DNAH10: variants seen among roughly 807,000 people sequenced by gnomAD.
DNAH10 encodes dynein axonemal heavy chain 10, also known as axonemal beta dynein heavy chain 10.
A neutral mutation model predicts 506.6 loss-of-function variants in DNAH10; 348 were observed. The ratio of observed to expected loss-of-function variants is 0.69; its 90% CI spans 0.63 to 0.75. DNAH10 has a LOEUF of 0.75. Among genes scored for constraint, DNAH10 ranks in the 30% least tolerant of loss-of-function variants. DNAH10 has a pLI of 0.00. For missense variants in DNAH10, 5,179 were observed against 5,787.1 expected, an observed-to-expected ratio of 0.89 and a Z score of 3.41; for synonymous variants, 2,059 against 2,198.6, an observed-to-expected ratio of 0.94 and a Z score of 1.78.
At chr12:123,918,265 G>C (rs985717764) in intron 64 of DNAH10, among the ~76,000 whole-genome samples, 2 of 152,218 alleles carry the variant, frequency 1.3e-5, no homozygotes, top group African/African-American at 4.8e-5. Flanking sequence ...AACCCAAAGG[G>C]GTAAGTGAGA....
Position 123,935,592 on chromosome 12 carries a change from T to C in DNAH10, c.*111T>C. The stretch of plus-strand genomic sequence containing the variant: ...CAAGAGGCAGGAGGGGGACTGACAC[T>C]GATTTTTCATTTGAAATCAGCCACT... On this transcript the variant is annotated 3_prime_UTR_variant, in exon 79 of 79. Coordinates refer to ENST00000673944, the MANE Select transcript of DNAH10 (RefSeq NM_001372106.1). 1 of 1,187,684 alleles carries C rather than the reference T, an allele frequency of 8.4e-7. No homozygotes were observed. The highest frequency in any genetic ancestry group is 2.4e-5 in the East Asian group (1 of 41,976). The allele number at this position is 1,187,684 out of a possible 1,614,324, so 73.6% of individuals were successfully genotyped here. A position where few individuals can be genotyped will look rare whatever the true frequency, so the allele number is the denominator to read the frequency against.
intron 57 of DNAH10, among the ~76,000 whole-genome samples, chr12:123,904,775 A>G (rs932371271): frequency 5.9e-5 from 9 of 152,172 alleles, no homozygotes; most frequent in Non-Finnish European, 1.3e-4. Flanking sequence ...GGTCTTCATG[A>G]GGATCATATG....
In DNAH10 at chr12:123,897,802, G is replaced by C. The variant is rs763497364; in HGVS notation, c.9313G>C (p.Glu3105Gln). The C allele has an allele frequency of 1.2e-6, 2 of 1,608,550 alleles. No homozygotes were observed. Among genetic ancestry groups the C allele is most frequent in the South Asian group, 1.1e-5 (1 of 89,216 alleles). The change falls in exon 55 of 79, where the codon GAA (glutamate) becomes CAA (glutamine). Residue 3105 changes from glutamate (E) to glutamine (Q), a missense_variant. Around this residue, in one of 3 missense-constraint regions of DNAH10, gnomAD observed 4,844 missense variants for 5,430.5 expected, o/e 0.89. Transcript: ENST00000673944. ...YNPMIPAENIENVVKHVVLVH... is the reference protein window; with the variant it reads ...YNPMIPAENIQNVVKHVVLVH... Reference sequence around the variant, plus strand: ...TCCAATGATCCCGGCAGAAAATATAGAAAATGTGGTGAAGCATGTTGTCTT... The same window carrying C: ...TCCAATGATCCCGGCAGAAAATATACAAAATGTGGTGAAGCATGTTGTCTT...
At chr12:123,837,941 C>T (rs986438794) in intron 28 of DNAH10, among the ~76,000 whole-genome samples, 4 of 151,968 alleles carry the variant, frequency 2.6e-5, no homozygotes, top group African/African-American at 9.7e-5. Context: ...AACAGTTTGA[C>T]CTATTTCAAT....
intron 72 of DNAH10, chr12:123,930,067 A>C (rs1397723081): frequency 1.9e-6 from 1 of 529,610 alleles, no homozygotes; most frequent in Non-Finnish European, 3.3e-6. Context: ...CACACGGCTC[A>C]GGCAGTGACA....
At chr12:123,865,801 T>G (rs1172307742) in intron 40 of DNAH10, 150 bp from the exon 41 acceptor site, 1 of 650,388 alleles carries the variant, frequency 1.5e-6, no homozygotes, top group Middle Eastern at 4.0e-4. Context: ...ATCCCAGGTG[T>G]TCAGTTAAAA....
intron 50 of DNAH10, among the ~76,000 whole-genome samples, chr12:123,880,720 A>G (rs1292092290): frequency 6.6e-6 from 1 of 151,444 alleles, no homozygotes; most frequent in East Asian, 1.9e-4. Flanking sequence ...TTACATACGT[A>G]TACATGTGCC....
At chr12:123,824,379 C>T (rs1291373430) in intron 24 of DNAH10, among the ~76,000 whole-genome samples, 1 of 152,096 alleles carries the variant, frequency 6.6e-6, no homozygotes, top group Non-Finnish European at 1.5e-5. Flanking sequence ...GTTGAGGAAG[C>T]AGCACTTGGA....
At chr12:123,841,047 C>T (rs1313601315) in intron 29 of DNAH10, among the ~76,000 whole-genome samples, 2 of 152,234 alleles carry the variant, frequency 1.3e-5, no homozygotes, top group African/African-American at 4.8e-5. Flanking sequence ...CAGATACCTC[C>T]CCACTCCAGC....
rs750341604 is a variant in DNAH10, at chr12:123,898,783, G to T, written c.9609G>T (p.Leu3203Phe). The T allele has an allele frequency of 4.3e-6, 7 of 1,611,978 alleles. No individual in the cohort carries two copies. Among genetic ancestry groups the T allele is most frequent in the Non-Finnish European group, 4.2e-6 (5 of 1,179,226 alleles). The change falls in exon 56 of 79, where the codon TTG becomes TTT. Residue 3203 changes from leucine (L) to phenylalanine (F), a missense_variant. Coordinates refer to ENST00000673944, the MANE Select transcript of DNAH10 (RefSeq NM_001372106.1). ...AGAAGTCCGCCGCCTGCGAGGCCTT[G>T]CTGGAGGAGATCGCCGTCAACACCG... ...LAEKSAACEALLEEIAVNTAV... is the reference protein window; with the variant it reads ...LAEKSAACEAFLEEIAVNTAV...
chr12:123,931,043 CAAAAA>C (rs1480348189), intron 73 of DNAH10, among the ~76,000 whole-genome samples: 1 of 151,788 alleles, frequency 6.6e-6, no homozygotes, highest in South Asian at 2.1e-4. Context: ...AAAATCAAAA[CAAAAA>C]AACAAAAAAC....
intron 65 of DNAH10, 99 bp from the exon 66 acceptor site, chr12:123,923,663 TG>T: frequency 1.4e-6 from 1 of 712,808 alleles, no homozygotes; most frequent in Non-Finnish European, 2.3e-6. Flanking sequence ...ACAGTTCGAG[TG>T]TTTCATTTAT....
At chr12:123,930,165 C>G (rs545133135) in intron 72 of DNAH10, 1 of 515,490 alleles carries the variant, frequency 1.9e-6, no homozygotes, top group African/African-American at 2.0e-5. Context: ...CAGGAGCTCC[C>G]AACACTTCCT....
intron 39 of DNAH10, 142 bp downstream of exon 39, chr12:123,861,312 C>T (rs772085827): frequency 6.9e-5 from 74 of 1,079,454 alleles, no homozygotes; most frequent in Non-Finnish European, 8.4e-5. Context: ...GGCTGTGCTT[C>T]GGAAGTGCGC....
intron 77 of DNAH10, 153 bp from the exon 78 acceptor site, chr12:123,934,468 A>G: frequency 1.1e-6 from 1 of 937,484 alleles, no homozygotes; most frequent in Non-Finnish European, 1.7e-6. Flanking sequence ...TGGGCAGGAC[A>G]GAAATGCTGG....
chr12:123,803,270 C>A (rs1314527318), intron 16 of DNAH10, among the ~76,000 whole-genome samples: 1 of 152,024 alleles, frequency 6.6e-6, no homozygotes, highest in Non-Finnish European at 1.5e-5. Context: ...GTACTTAGCC[C>A]GAGTTTACTG....
At chr12:123,896,111 T>TCACACACACACACACACA (rs112187635) in intron 54 of DNAH10, among the ~76,000 whole-genome samples, 28 of 48,980 alleles carry the variant, frequency 5.7e-4, no homozygotes, top group South Asian at 1.3e-3. Context: ...AGACTTTATC[T>TCACACACACACACACACA]CACACACACA....
chr12:123,864,547 T>C (rs201506308), intron 39 of DNAH10, 48 bp from the exon 40 acceptor site: 3 of 1,585,832 alleles, frequency 1.9e-6, no homozygotes, highest in African/African-American at 2.7e-5. Context: ...AGTTCCATAA[T>C]TGGAAGCTCT....
In DNAH10 at chr12:123,772,924, T is replaced by C. The variant is rs1435810784; in HGVS notation, c.487T>C (p.Phe163Leu). The C allele has an allele frequency of 6.2e-7, 1 of 1,612,570 alleles. No individual in the cohort carries two copies. The highest frequency in any genetic ancestry group is 1.7e-5 in the Admixed American group (1 of 59,776). Residue 163 changes from phenylalanine to leucine, a missense_variant, in exon 4 of 79, where the codon TTC becomes CTC. By Grantham distance (22) the Phe-to-Leu change is conservative. This residue lies in a region of DNAH10 where 326 missense variants were observed against 330.8 expected (regional missense o/e 0.99). Coordinates refer to ENST00000673944, the MANE Select transcript of DNAH10 (RefSeq NM_001372106.1). ...GTTCCTGGACCAAAACGTGGTGTTT[T>C]TCCTCAGAAATACCAAAGGTACATT... ...EEFLDQNVVF[F>L]LRNTKEAISE... is the part of the protein sequence containing the mutation.
Sources: gnomAD v4.1 joint callset for allele counts (sites outside exome capture counted in the v4.1 genomes callset) on GRCh38, gnomAD v4.1.1 for gene constraint, gnomAD v4.1.1 regional missense constraint, MANE v1.5 for transcripts, NCBI Gene and HGNC (gene_info 2026-07-23, HGNC 2026-07-21) for gene names.